Variants in PIRT observed in about 807,000 individuals in gnomAD.
PIRT encodes phosphoinositide-interacting protein.
PIRT carries 6 observed loss-of-function variants against 7.9 expected under a neutral mutation model. That is an observed-to-expected ratio of 0.76 (90% confidence interval 0.42 to 1.51). The LOEUF is 1.51. Ranked by LOEUF, PIRT falls within the 40% of genes most tolerant of loss-of-function variation. The pLI is 0.01. For missense variants in PIRT, 170 were observed against 172.9 expected, an observed-to-expected ratio of 0.98 and a Z score of 0.09; for synonymous variants, 78 against 71.8, an observed-to-expected ratio of 1.09 and a Z score of -0.44.
intron 1 of PIRT, among the ~76,000 whole-genome samples, chr17:10,827,353 T>C (rs1468769446): frequency 6.6e-6 from 1 of 152,166 alleles, no homozygotes; most frequent in Admixed American, 6.5e-5. Flanking sequence ...ATTTCAGGGC[T>C]GGGCTGCAGA....
At chr17:10,833,949 A>C (rs889118228) in intron 1 of PIRT, among the ~76,000 whole-genome samples, 4 of 152,200 alleles carry the variant, frequency 2.6e-5, no homozygotes, top group African/African-American at 9.7e-5. Flanking sequence ...GCACTACAAT[A>C]GATAAAATGG....
At chr17:10,834,202 A>G (rs912660769) in intron 1 of PIRT, among the ~76,000 whole-genome samples, 3 of 152,234 alleles carry the variant, frequency 2.0e-5, no homozygotes, top group African/African-American at 7.2e-5. Context: ...AAGAAAAAGA[A>G]AAAGAAAACA....
chr17:10,825,626 G>C lies in PIRT; in HGVS notation c.20C>G (p.Pro7Arg). 7 of 1,494,932 alleles carry C rather than the reference G, an allele frequency of 4.7e-6. No individual in the cohort carries two copies. The highest frequency in any genetic ancestry group is 6.3e-6 in the Non-Finnish European group (7 of 1,119,524). The allele number at this position is 1,494,932 out of a possible 1,614,324, so 92.6% of individuals were successfully genotyped here. A position where few individuals can be genotyped will look rare whatever the true frequency, so the allele number is the denominator to read the frequency against. Residue 7 changes from proline to arginine, a missense_variant, in exon 2 of 2, where the codon CCC (proline) becomes CGC (arginine). Physicochemically the swap from Pro to Arg is moderately radical, Grantham distance 103. Transcript: ENST00000580256. MTMETLPKVLEVDEKSP... is the reference protein window; with the variant it reads MTMETLRKVLEVDEKSP... ...CTTCTCATCGACCTCTAGAACCTTG[G>C]GGAGAGTCTCCATCGTCATGGTTGC...
chr17:10,836,767 G>T (rs935453276), intron 1 of PIRT, among the ~76,000 whole-genome samples: 2 of 152,308 alleles, frequency 1.3e-5, no homozygotes, highest in East Asian at 1.9e-4. Context: ...TGGGCCCAGC[G>T]AGGGGAGTCT....
At chr17:10,835,801 G>A (rs1905574620) in intron 1 of PIRT, among the ~76,000 whole-genome samples, 1 of 152,192 alleles carries the variant, frequency 6.6e-6, no homozygotes, top group Non-Finnish European at 1.5e-5. Flanking sequence ...TTCTTCGCCT[G>A]GGGAGTCTCT....
chr17:10,829,129 G>A (rs1433997697), intron 1 of PIRT, among the ~76,000 whole-genome samples: 1 of 152,186 alleles, frequency 6.6e-6, no homozygotes, highest in Non-Finnish European at 1.5e-5. Context: ...TCTCATATGA[G>A]GATGTTTGAT....
chr17:10,828,503 G>T (rs919347844), intron 1 of PIRT, among the ~76,000 whole-genome samples: 1 of 152,146 alleles, frequency 6.6e-6, no homozygotes, highest in Non-Finnish European at 1.5e-5. Context: ...TGGGATGTGG[G>T]AGATTTCTTT....
At chr17:10,832,269 C>T (rs1471168879) in intron 1 of PIRT, among the ~76,000 whole-genome samples, 10 of 152,040 alleles carry the variant, frequency 6.6e-5, no homozygotes, top group Admixed American at 5.2e-4. Flanking sequence ...CTCGGCTCAC[C>T]GCAACCGCCG....
chr17:10,825,474 T>C lies in PIRT; in HGVS notation c.172A>G (p.Ile58Val), dbSNP rs201433931. 3.1e-6 allele frequency: 5 copies of C among 1,613,930 alleles called. No individual in the cohort carries two copies. Among genetic ancestry groups the C allele is most frequent in the East Asian group, 4.5e-5 (2 of 44,874 alleles). The change falls in exon 2 of 2, where the codon ATC becomes GTC. Residue 58 changes from isoleucine to valine, a missense_variant. Ile to Val is a conservative substitution (Grantham distance 29, BLOSUM62 3). Transcript: ENST00000580256. ...NWEIYRKPIVIMSVGGAILLF... is the reference protein window; with the variant it reads ...NWEIYRKPIVVMSVGGAILLF... ...AGGATGGCACCGCCCACTGACATGATAACGATGGGCTTGCGGTAGATTTCC... is the reference window on the plus strand; with the variant it reads ...AGGATGGCACCGCCCACTGACATGACAACGATGGGCTTGCGGTAGATTTCC...
At chr17:10,827,116 C>T (rs1027184989) in intron 1 of PIRT, among the ~76,000 whole-genome samples, 3 of 152,110 alleles carry the variant, frequency 2.0e-5, no homozygotes, top group African/African-American at 7.2e-5. Context: ...CTGGCCCCCA[C>T]AGTGCAACCT....
chr17:10,834,268 A>G (rs1281971218), intron 1 of PIRT, among the ~76,000 whole-genome samples: 2 of 152,234 alleles, frequency 1.3e-5, no homozygotes, highest in African/African-American at 2.4e-5. Context: ...CACACAATGG[A>G]ATGTTACTAA....
chr17:10,832,762 C>T (rs1597588748), intron 1 of PIRT, among the ~76,000 whole-genome samples: 1 of 152,302 alleles, frequency 6.6e-6, no homozygotes, highest in East Asian at 1.9e-4. Context: ...TGATTCCTTT[C>T]CCTTTTCCAT....
chr17:10,833,723 C>T (rs781252956), intron 1 of PIRT, among the ~76,000 whole-genome samples: 1 of 151,636 alleles, frequency 6.6e-6, no homozygotes, highest in Non-Finnish European at 1.5e-5. Flanking sequence ...CACTGCACTC[C>T]AGCCTGGGCA....
At position 10,825,791 on chromosome 17, in the gene PIRT, C is replaced by CAAAAAAG; in HGVS notation, c.-138-15_-138-9dup. On this transcript the variant is annotated splice_polypyrimidine_tract_variant and intron_variant, in intron 1 of 1. Coordinates refer to ENST00000580256, the MANE Select transcript of PIRT (RefSeq NM_001101387.2). ...GTGAACAAGGTTTTTGTGCTGAAGCCAAAAAAGAAAATGAAATGAAATTCA... is the reference window on the plus strand; with the variant it reads ...GTGAACAAGGTTTTTGTGCTGAAGCCAAAAAAGAAAAAAGAAAATGAAATGAAATTCA... The CAAAAAAG allele has an allele frequency of 2.7e-6, 2 of 731,608 alleles. No individual in the cohort carries two copies. The highest frequency in any genetic ancestry group is 3.9e-6 in the Non-Finnish European group (2 of 515,110). The allele number at this position is 731,608 out of a possible 1,614,324, so 45.3% of individuals were successfully genotyped here. A position where few individuals can be genotyped will look rare whatever the true frequency, so the allele number is the denominator to read the frequency against.
In PIRT at chr17:10,825,244, G is replaced by T; in HGVS notation, c.402C>A (p.Phe134Leu). ...GCGGAAACCACCATCAGCGAGTCAG[G>T]AAGAAGGACTTGAGGCTGCGTAAGA... ...SNFLRSLKSF[F>L]LTR The change falls in exon 2 of 2, where the codon TTC becomes TTA. Residue 134 changes from phenylalanine to leucine, a missense_variant. Physicochemically the swap from Phe to Leu is conservative, Grantham distance 22. Transcript: ENST00000580256. The T allele has an allele frequency of 1.2e-6, 2 of 1,613,746 alleles. No homozygotes were observed. The highest frequency in any genetic ancestry group is 1.7e-6 in the Non-Finnish European group (2 of 1,179,694).
At chr17:10,829,204 C>G (rs922319495) in intron 1 of PIRT, among the ~76,000 whole-genome samples, 1 of 151,876 alleles carries the variant, frequency 6.6e-6, no homozygotes, top group African/African-American at 2.4e-5. Flanking sequence ...AGACATGGGG[C>G]GATATGATGG....
intron 1 of PIRT, among the ~76,000 whole-genome samples, chr17:10,834,894 TTG>T (rs869276853): frequency 6.9e-6 from 1 of 144,544 alleles, no homozygotes; most frequent in South Asian, 2.2e-4. Flanking sequence ...CCAGCGTTGT[TTG>T]TTTTTTTTTT....
chr17:10,835,878 C>T (rs1358356175), intron 1 of PIRT, among the ~76,000 whole-genome samples: 2 of 150,158 alleles, frequency 1.3e-5, no homozygotes, highest in Non-Finnish European at 3.0e-5. Context: ...AGCACAGGCT[C>T]AGAGCTGCCA....
At chr17:10,829,066 G>A (rs1055634120) in intron 1 of PIRT, among the ~76,000 whole-genome samples, 12 of 152,222 alleles carry the variant, frequency 7.9e-5, no homozygotes, top group Non-Finnish European at 1.5e-4. Context: ...CTTGGGGGTA[G>A]GGATGGGTTC....
Sources: gnomAD v4.1 joint callset for allele counts (sites outside exome capture counted in the v4.1 genomes callset) on GRCh38, gnomAD v4.1.1 for gene constraint, MANE v1.5 for transcripts, NCBI Gene and HGNC (gene_info 2026-07-23, HGNC 2026-07-21) for gene names.